The following TRIOBP variants were observed in gnomAD, a reference collection of about 807,000 sequenced individuals.
TRIOBP encodes TRIO and F-actin binding protein.
Under a neutral mutation model 238.8 loss-of-function variants are expected in TRIOBP, and 169 were observed. The observed-to-expected ratio is 0.71, with a 90% CI of 0.62 to 0.80. The LOEUF (loss-of-function observed/expected upper bound fraction) is 0.80, where lower values mean the gene tolerates loss of function less well. Among genes scored for constraint, TRIOBP ranks in the 30% least tolerant of loss-of-function variants. The probability of loss-of-function intolerance (pLI) is 0.00; values close to 1 mark genes in which losing one functional copy is unlikely to be tolerated. For synonymous variants in TRIOBP, 1,150 were observed against 1,274.4 expected (o/e 0.90, Z 2.08); for missense variants, 2,838 against 3,122.6 (o/e 0.91, Z 2.17).
At chr22:37,759,536 C>T (rs1183945351) in intron 17 of TRIOBP, 12 of 1,602,988 alleles carry the variant, frequency 7.5e-6, no homozygotes, top group Non-Finnish European at 8.5e-6. Flanking sequence ...GAGCGAGGGT[C>T]CGGCTGACTG....
intron 23 of TRIOBP, among the ~76,000 whole-genome samples, chr22:37,773,175 A>G (rs887281327): frequency 6.9e-6 from 1 of 145,808 alleles, no homozygotes; most frequent in Non-Finnish European, 1.5e-5. Flanking sequence ...GCAGGGCTCA[A>G]AGTGGTTGGT....
chr22:37,714,426 TGG>T (rs1473534480), intron 5 of TRIOBP, among the ~76,000 whole-genome samples: 3 of 152,198 alleles, frequency 2.0e-5, no homozygotes, highest in African/African-American at 7.2e-5. Flanking sequence ...CCCAGCACTT[TGG>T]GAGGCCAAGG....
In TRIOBP at chr22:37,709,448, C is replaced by T. The variant is rs1490698665; in HGVS notation, c.115-979C>T. 3.0e-4 allele frequency among the ~76,000 whole-genome samples: 46 copies of T among 152,250 alleles called. 1 individual carries two copies. The highest frequency in any genetic ancestry group is 3.0e-3 in the Admixed American group (46 of 15,284). Reference sequence around the variant, plus strand: ...GAAGCCGGCCCCTCTAAGGTTTCCACTGCCTCGGCGGCTGCTGCCACCACA... The same window carrying T: ...GAAGCCGGCCCCTCTAAGGTTTCCATTGCCTCGGCGGCTGCTGCCACCACA... On this transcript the variant is annotated intron_variant, in intron 3 of 23. Coordinates refer to ENST00000644935, the MANE Select transcript of TRIOBP (RefSeq NM_001039141.3).
chr22:37,761,133 T>C (rs762983), intron 17 of TRIOBP, among the ~76,000 whole-genome samples: 147,456 of 152,166 alleles, frequency 0.97, 71,483 homozygotes, highest in East Asian at 1. Context: ...GTATTGTGGA[T>C]GCCTCCAGTG....
At chr22:37,718,429 G>A (rs762109860) in intron 6 of TRIOBP, among the ~76,000 whole-genome samples, 1 of 152,136 alleles carries the variant, frequency 6.6e-6, no homozygotes, top group Admixed American at 6.5e-5. Flanking sequence ...ATTCTGCATC[G>A]ATTACTGAGA....
rs773935184 is a variant in TRIOBP at position 37,772,634 on chromosome 22, G to A, written c.6970G>A (p.Val2324Ile). ...CTTCACCTCGGGAAAGTACCAGGAC[G>A]TCTATGTGGAGCTGAGCCACATCAA... Reference protein sequence around the residue: ...KRFTSGKYQDVYVELSHIKTR... With the variant: ...KRFTSGKYQDIYVELSHIKTR... The change falls in exon 23 of 24, where the codon GTC becomes ATC. Residue 2324 changes from valine to isoleucine, a missense_variant. Around this residue, in one of 5 missense-constraint regions of TRIOBP, gnomAD observed 2,096 missense variants for 2,137.4 expected, o/e 0.98. Coordinates refer to ENST00000644935, the MANE Select transcript of TRIOBP (RefSeq NM_001039141.3). 9 of 1,614,168 alleles carry A rather than the reference G, an allele frequency of 5.6e-6. No individual in the cohort carries two copies. The Admixed American group carries it at 6.7e-5, about 12-fold the overall frequency.
chr22:37,768,041 A>G lies in TRIOBP; in HGVS notation c.6473-33A>G, dbSNP rs532723219. ...CACTTGGTGCTGCTGACCCCCCTCC[A>G]GTCTCTCTTGTGCCTCTCTGCCCTG... On this transcript the variant is annotated intron_variant, in intron 18 of 23. Transcript: ENST00000644935. 5.1e-6 allele frequency: 8 copies of G among 1,576,516 alleles called. No homozygotes were observed. In the Admixed American group the frequency reaches 7.0e-5, roughly 14 times the overall value.
At chr22:37,745,232 C>T (rs1297523170) in intron 11 of TRIOBP, among the ~76,000 whole-genome samples, 1 of 152,156 alleles carries the variant, frequency 6.6e-6, no homozygotes, top group African/African-American at 2.4e-5. Flanking sequence ...TCCAAGCTTC[C>T]CTGCCTCCTT....
chr22:37,755,418 C>A (rs1925863721), intron 14 of TRIOBP, 132 bp from the exon 15 acceptor site: 3 of 962,284 alleles, frequency 3.1e-6, no homozygotes, highest in Admixed American at 4.0e-5. Context: ...AGGTTTTGTA[C>A]CCCCTGCCCA....
intron 11 of TRIOBP, among the ~76,000 whole-genome samples, chr22:37,747,859 C>G (rs570409898): frequency 5.6e-4 from 86 of 152,354 alleles, no homozygotes; most frequent in African/African-American, 2.0e-3. Context: ...TATCCAGGTC[C>G]GTTCCAGCTT....
At chr22:37,717,738 C>G (rs1422793983) in intron 6 of TRIOBP, among the ~76,000 whole-genome samples, 1 of 152,270 alleles carries the variant, frequency 6.6e-6, no homozygotes, top group African/African-American at 2.4e-5. Context: ...CATAAAGGTT[C>G]TCCAAGTTCC....
chr22:37,747,093 G>A (rs983290633), intron 11 of TRIOBP, among the ~76,000 whole-genome samples: 2 of 152,168 alleles, frequency 1.3e-5, no homozygotes, highest in Non-Finnish European at 2.9e-5. Flanking sequence ...TCTCATGGGG[G>A]TGAGCTGTAC....
Position 37,710,567 on chromosome 22 carries a change from G to A in TRIOBP, c.254+1G>A, listed in dbSNP as rs1167448565. 3.1e-6 allele frequency: 5 copies of A among 1,609,324 alleles called. No individual in the cohort carries two copies. The highest frequency in any genetic ancestry group is 8.5e-7 in the Non-Finnish European group (1 of 1,179,492). ...CAGGCCTCAGGCCAGGGCCCAAGAG[G>A]TGGGTAGAGTCCCAGGGCCCAGGAA... On this transcript the variant is annotated splice_donor_variant, in intron 4 of 23. Coordinates refer to ENST00000644935, the MANE Select transcript of TRIOBP (RefSeq NM_001039141.3). LOFTEE classifies it high-confidence loss of function.
Position 37,758,130 on chromosome 22 carries a change from G to A in TRIOBP, c.6205G>A (p.Glu2069Lys), listed in dbSNP as rs777449279. Residue 2069 changes from glutamate (E) to lysine (K), a missense_variant, in exon 16 of 24, where the codon GAG (glutamate) becomes AAG (lysine). By Grantham distance (56) the Glu-to-Lys change is moderately conservative. Coordinates refer to ENST00000644935, the MANE Select transcript of TRIOBP (RefSeq NM_001039141.3). The stretch of plus-strand genomic sequence containing the variant: ...CCCAAGTGACGGCCACGAGGCACTG[G>A]AGAAGGAGGTAGGCACCACGGCTGG... Reference protein sequence around the residue: ...GPPSDGHEALEKEVQALRAQL... With the variant: ...GPPSDGHEALKKEVQALRAQL... The A allele has an allele frequency of 5.0e-6, 8 of 1,610,868 alleles. No homozygotes were observed. Among genetic ancestry groups the A allele is most frequent in the Non-Finnish European group, 6.8e-6 (8 of 1,179,950 alleles).
intron 2 of TRIOBP, 62 bp from the exon 3 acceptor site, chr22:37,701,244 C>T: frequency 1.3e-6 from 1 of 753,500 alleles, no homozygotes; most frequent in Non-Finnish European, 2.3e-6. Flanking sequence ...GCAACTGGGG[C>T]TGGGGTTCAG....
intron 15 of TRIOBP, 45 bp downstream of exon 15, chr22:37,755,704 T>TCGGGGACGCAAGGGTAAG: frequency 6.4e-7 from 1 of 1,564,104 alleles, no homozygotes; most frequent in Non-Finnish European, 8.8e-7. Context: ...GCACTTACCC[T>TCGGGGACGCAAGGGTAAG]TGCGTCCCCG....
At chr22:37,742,860 C>T (rs1352301013) in intron 11 of TRIOBP, among the ~76,000 whole-genome samples, 3 of 152,164 alleles carry the variant, frequency 2.0e-5, no homozygotes, top group Non-Finnish European at 4.4e-5. Context: ...TGCATTTGAT[C>T]CACACTCCCA....
chr22:37,701,010 G>A (rs1922616258), intron 2 of TRIOBP, among the ~76,000 whole-genome samples: 1 of 152,148 alleles, frequency 6.6e-6, no homozygotes, highest in Non-Finnish European at 1.5e-5. Flanking sequence ...GCATTTTTAT[G>A]AACAGCCCAG....
intron 3 of TRIOBP, among the ~76,000 whole-genome samples, chr22:37,707,467 G>T (rs1055734070): frequency 6.6e-6 from 1 of 151,824 alleles, no homozygotes; most frequent in Non-Finnish European, 1.5e-5. Flanking sequence ...GTTGGGGCGG[G>T]TCTTCCCTGG....
Sources: allele counts gnomAD v4.1 joint callset (sites outside exome capture counted in the v4.1 genomes callset), GRCh38; gene constraint gnomAD v4.1.1; regional missense constraint gnomAD v4.1.1; transcripts MANE v1.5; gene names NCBI Gene and HGNC (gene_info 2026-07-23, HGNC 2026-07-21).